Variants in RWDD1 observed in about 807,000 individuals in gnomAD.
RWDD1 encodes RWD domain-containing protein 1.
RWDD1 carries 17 observed loss-of-function variants against 31.6 expected under a neutral mutation model. The observed-to-expected ratio is 0.54, with a 90% confidence interval of 0.37 to 0.81. The LOEUF is 0.81. Ranked by LOEUF, RWDD1 falls within the 30% of genes least tolerant of loss-of-function variation. RWDD1 has a pLI of 0.00. For synonymous variants in RWDD1, 78 were observed against 94.2 expected (o/e 0.83, Z 0.99); for missense variants, 204 against 274.5 (o/e 0.74, Z 1.82).
At position 116,597,473 on chromosome 6, in the gene RWDD1, T is replaced by A. The variant is rs1450356033; in HGVS notation, c.*4372T>A. The A allele has an allele frequency of 6.6e-6, 1 of 152,202 alleles. No individual in the cohort carries two copies. The highest frequency in any genetic ancestry group is 1.9e-4 in the East Asian group (1 of 5,200). 9.4% of individuals were successfully genotyped at this position (152,202 alleles called of 1,614,324 possible). A position where few individuals can be genotyped will look rare whatever the true frequency, so the allele number is the denominator to read the frequency against. On this transcript the variant is annotated 3_prime_UTR_variant, in exon 7 of 7. Transcript: ENST00000466444. ...GTAGTCTCCATTAGTTTTCTTGACT[T>A]CTTCATCTCCCTGCATAAAGATGAA...
intron 5 of RWDD1, 131 bp downstream of exon 5, chr6:116,590,535 A>G (rs968192751): frequency 1.4e-5 from 16 of 1,153,232 alleles, no homozygotes; most frequent in South Asian, 1.9e-5. Flanking sequence ...AAGAGAAAAC[A>G]TATCTACCAG....
intron 1 of RWDD1, among the ~76,000 whole-genome samples, chr6:116,576,664 G>A (rs1774851427): frequency 6.6e-6 from 1 of 152,092 alleles, no homozygotes; most frequent in African/African-American, 2.4e-5. Flanking sequence ...TCTCAGCTTG[G>A]GGAAACAGAC....
chr6:116,580,847 A>G (rs1774935628), intron 2 of RWDD1, among the ~76,000 whole-genome samples: 1 of 152,128 alleles, frequency 6.6e-6, no homozygotes, highest in South Asian at 2.1e-4. Flanking sequence ...ATAAAAACCA[A>G]TAAATTAAAG....
chr6:116,590,828 T>C, intron 5 of RWDD1, 60 bp from the exon 6 acceptor site: 2 of 1,525,856 alleles, frequency 1.3e-6, no homozygotes, highest in Non-Finnish European at 1.7e-6. Flanking sequence ...CTAAGTATTG[T>C]AGTGAAAATG....
At chr6:116,577,879 C>T (rs771531784) in intron 1 of RWDD1, among the ~76,000 whole-genome samples, 12 of 152,152 alleles carry the variant, frequency 7.9e-5, no homozygotes, top group Non-Finnish European at 1.3e-4. Flanking sequence ...TAGTTTTCTT[C>T]GCTCACATAT....
intron 3 of RWDD1, among the ~76,000 whole-genome samples, chr6:116,588,092 G>A (rs1775075413): frequency 6.6e-6 from 1 of 152,134 alleles, no homozygotes; most frequent in South Asian, 2.1e-4. Flanking sequence ...AGGATGGTTA[G>A]CATAGAAACA....
intron 1 of RWDD1, among the ~76,000 whole-genome samples, chr6:116,577,159 A>C (rs72965110): frequency 0.03 from 4,611 of 152,314 alleles, 96 homozygotes; most frequent in Middle Eastern, 0.099. Context: ...ATGGATAGGG[A>C]ACTGCTGCTG....
rs1775201935 is a variant in RWDD1, at chr6:116,594,098, G to A, written c.*997G>A. 2.0e-5 allele frequency: 3 copies of A among 151,566 alleles called. No homozygotes were observed. The highest frequency in any genetic ancestry group is 2.0e-4 in the Admixed American group (3 of 15,198). The allele number at this position is 151,566 out of a possible 1,614,324, so 9.4% of individuals were successfully genotyped here. On this transcript the variant is annotated 3_prime_UTR_variant, in exon 7 of 7. Transcript: ENST00000466444. ...TGTAGAGATCACATGGCCAGAGAGT[G>A]AGGGTGGAAGTGCCAGGCTTTTTTT... is the stretch of plus-strand genomic sequence containing the variant.
rs1262584193 is a variant in RWDD1 at position 116,594,874 on chromosome 6, A to G, written c.*1773A>G. On this transcript the variant is annotated 3_prime_UTR_variant, in exon 7 of 7. Transcript: ENST00000466444. ...CCACAAACAGCAATATTAAGCCTTC[A>G]TTTATTGTTGGAGTTAGACCTTATA... 1.3e-5 allele frequency: 2 copies of G among 152,232 alleles called. No individual in the cohort carries two copies. Among genetic ancestry groups the G allele is most frequent in the Non-Finnish European group, 2.9e-5 (2 of 68,040 alleles). 9.4% of individuals were successfully genotyped at this position (152,232 alleles called of 1,614,324 possible).
intron 2 of RWDD1, among the ~76,000 whole-genome samples, chr6:116,582,547 G>A (rs1774965111): frequency 6.6e-6 from 1 of 151,938 alleles, no homozygotes; most frequent in South Asian, 2.1e-4. Context: ...CTTAGCTGTA[G>A]TAATAATGCA....
At chr6:116,591,153 C>T (rs994561113) in intron 6 of RWDD1, among the ~76,000 whole-genome samples, 2 of 151,366 alleles carry the variant, frequency 1.3e-5, no homozygotes, top group Non-Finnish European at 2.9e-5. Context: ...TAATTTTGAA[C>T]CATGAAAATC....
rs1309768206 is a variant in RWDD1 at position 116,573,892 on chromosome 6, G to A, written c.73+2237G>A. On this transcript the variant is annotated intron_variant, in intron 1 of 6. Transcript: ENST00000466444. ...TTGTTAAGTACACGTGACCCCATGTGGATGCTGAAGAGACACAGTCCAGCC... is the reference window on the plus strand; with the variant it reads ...TTGTTAAGTACACGTGACCCCATGTAGATGCTGAAGAGACACAGTCCAGCC... 3.9e-5 allele frequency among the ~76,000 whole-genome samples: 6 copies of A among 152,168 alleles called. No homozygotes were observed. In the East Asian group the frequency reaches 1.2e-3, roughly 29 times the overall value.
Position 116,588,974 on chromosome 6 carries a change from G to T in RWDD1, c.403G>T (p.Glu135Ter). The T allele has an allele frequency of 7.1e-7, 1 of 1,400,050 alleles. No individual in the cohort carries two copies. The highest frequency in any genetic ancestry group is 9.4e-7 in the Non-Finnish European group (1 of 1,065,734). The allele number at this position is 1,400,050 out of a possible 1,614,324, so 86.7% of individuals were successfully genotyped here. A position where few individuals can be genotyped will look rare whatever the true frequency, so the allele number is the denominator to read the frequency against. Reference protein sequence around the residue: ...EKKQKEKEAEEAEKQLFHGTP... With the variant: ...EKKQKEKEAE The stretch of plus-strand genomic sequence containing the variant: ...GAAACAAAAAGAAAAAGAAGCAGAA[G>T]AAGCTGAAAAGGTATATTTAAAAGC... Residue 135 changes from glutamate (E) to a stop codon, truncating the protein, a stop_gained, in exon 4 of 7, where the codon GAA becomes TAA. Transcript: ENST00000466444. LOFTEE classifies it high-confidence loss of function.
At chr6:116,571,775 A>G (rs980198306) in intron 1 of RWDD1, 120 bp downstream of exon 1, 8 of 725,434 alleles carry the variant, frequency 1.1e-5, no homozygotes, top group Non-Finnish European at 1.7e-5. Context: ...CCGCGCGGCC[A>G]CCTTGCCCTC....
intron 4 of RWDD1, 137 bp downstream of exon 4, chr6:116,589,122 T>A (rs1775094511): frequency 2.2e-5 from 16 of 741,854 alleles, no homozygotes; most frequent in Non-Finnish European, 1.8e-6. Context: ...TAGTAAAGTT[T>A]CACTAAAATT....
In RWDD1 at chr6:116,595,807, G is replaced by C. The variant is rs1775231264; in HGVS notation, c.*2706G>C. On this transcript the variant is annotated 3_prime_UTR_variant, in exon 7 of 7. Transcript: ENST00000466444. ...ACTTGGAATAATGTTCCTTGATCCTGCTTTACTTCATGCACTTTTGCCAGC... is the reference window on the plus strand; with the variant it reads ...ACTTGGAATAATGTTCCTTGATCCTCCTTTACTTCATGCACTTTTGCCAGC... The C allele has an allele frequency of 6.6e-6, 1 of 152,180 alleles. No homozygotes were observed. Among genetic ancestry groups the C allele is most frequent in the African/African-American group, 2.4e-5 (1 of 41,440 alleles). The allele number at this position is 152,180 out of a possible 1,614,324, so 9.4% of individuals were successfully genotyped here. A position where few individuals can be genotyped will look rare whatever the true frequency, so the allele number is the denominator to read the frequency against.
chr6:116,576,480 A>G, intron 1 of RWDD1, among the ~76,000 whole-genome samples: 1 of 152,184 alleles, frequency 6.6e-6, no homozygotes, highest in East Asian at 1.9e-4. Context: ...TGTATTGAAC[A>G]TGCGTCTCAT....
intron 1 of RWDD1, chr6:116,580,074 T>C (rs527723580): frequency 3.1e-6 from 1 of 327,118 alleles, no homozygotes; most frequent in Non-Finnish European, 5.5e-6. Context: ...AAGAGGGTTA[T>C]CTACCATAGT....
intron 6 of RWDD1, among the ~76,000 whole-genome samples, chr6:116,591,913 A>G (rs1009920753): frequency 2.0e-5 from 3 of 152,232 alleles, no homozygotes; most frequent in African/African-American, 7.2e-5. Flanking sequence ...GCCTTTACTG[A>G]TAGGCAACAT....
Sources: allele counts gnomAD v4.1 joint callset (sites outside exome capture counted in the v4.1 genomes callset), GRCh38; gene constraint gnomAD v4.1.1; transcripts MANE v1.5; gene names NCBI Gene and HGNC (gene_info 2026-07-23, HGNC 2026-07-21).